PNPLA8: variants seen among roughly 807,000 people sequenced by gnomAD.
The protein encoded by PNPLA8 is calcium-independent phospholipase A2-gamma.
In PNPLA8, 39 loss-of-function variants were observed where a neutral mutation model predicts 76.9. The ratio of observed to expected loss-of-function variants is 0.51; its 90% CI spans 0.39 to 0.66. The LOEUF (loss-of-function observed/expected upper bound fraction) is 0.66, where lower values mean the gene tolerates loss of function less well. Ranked by LOEUF, PNPLA8 falls within the 30% of genes least tolerant of loss-of-function variation. The pLI is 0.00. For synonymous variants in PNPLA8, 301 were observed against 307.9 expected, an observed-to-expected ratio of 0.98 and a Z score of 0.24; for missense variants, 887 against 918.0, an observed-to-expected ratio of 0.97 and a Z score of 0.44.
chr7:108,476,182 T>C (rs1563928876), intron 10 of PNPLA8, among the ~76,000 whole-genome samples: 1 of 152,258 alleles, frequency 6.6e-6, no homozygotes, highest in East Asian at 1.9e-4. Context: ...ACAGCAATTC[T>C]TGTTATATCT....
chr7:108,515,318 T>C lies in PNPLA8; in HGVS notation c.174A>G (p.Lys58=), dbSNP rs1863254660. Residue 58 remains lysine, a synonymous_variant, in exon 3 of 11, where the codon AAA becomes AAG. Coordinates refer to ENST00000257694, the MANE Select transcript of PNPLA8 (RefSeq NM_001256007.3). ...RGFHTNIIRC[K]WTKSEAHSCS... is the part of the protein sequence containing the mutation. ...AAGAATGTGCTTCACTTTTGGTCCA[T>C]TTACATCTTATTATGTTTGTATGAA... The C allele has an allele frequency of 6.2e-7, 1 of 1,613,376 alleles. No homozygotes were observed. The highest frequency in any genetic ancestry group is 1.1e-5 in the South Asian group (1 of 90,998).
At chr7:108,483,148 A>G (rs1042359103) in intron 9 of PNPLA8, among the ~76,000 whole-genome samples, 13 of 152,258 alleles carry the variant, frequency 8.5e-5, no homozygotes, top group Non-Finnish European at 1.3e-4. Context: ...CAATAAGATC[A>G]CATTAGGAGG....
chr7:108,492,683 T>C (rs780445629), intron 7 of PNPLA8, among the ~76,000 whole-genome samples: 6 of 151,834 alleles, frequency 4.0e-5, no homozygotes, highest in Non-Finnish European at 8.8e-5. Flanking sequence ...TAACACAAAA[T>C]TATCACAGCA....
intron 4 of PNPLA8, among the ~76,000 whole-genome samples, chr7:108,506,680 T>C (rs938407650): frequency 5.3e-5 from 8 of 150,992 alleles, no homozygotes; most frequent in Admixed American, 4.6e-4. Flanking sequence ...CCCAACAATA[T>C]AGAAGGTTCT....
intron 9 of PNPLA8, among the ~76,000 whole-genome samples, chr7:108,486,353 A>G (rs1563941024): frequency 6.6e-6 from 1 of 152,142 alleles, no homozygotes; most frequent in Non-Finnish European, 1.5e-5. Flanking sequence ...GACATGGTAC[A>G]TAAGAATAGG....
Position 108,514,874 on chromosome 7 carries a change from A to G in PNPLA8, c.618T>C (p.Phe206=), listed in dbSNP as rs1440268517. 1.2e-6 allele frequency: 2 copies of G among 1,609,414 alleles called. No individual in the cohort carries two copies. Among genetic ancestry groups the G allele is most frequent in the Non-Finnish European group, 1.7e-6 (2 of 1,176,992 alleles). The change falls in exon 3 of 11, where the codon TTT becomes TTC. Residue 206 remains phenylalanine (F), a synonymous_variant. Transcript: ENST00000257694. ...ITTKFGDSFY[F]LSNHINSYFK... is the part of the protein sequence containing the mutation. ...AATATGAATTAATATGATTTGATAA[A>G]AAGTAGAATGAGTCTCCAAATTTTG... is the stretch of plus-strand genomic sequence containing the variant.
intron 7 of PNPLA8, among the ~76,000 whole-genome samples, chr7:108,493,970 C>T (rs1046557586): frequency 6.6e-6 from 1 of 151,714 alleles, no homozygotes; most frequent in African/African-American, 2.4e-5. Flanking sequence ...AAAACTTGAA[C>T]ACAGATTCTA....
intron 1 of PNPLA8, among the ~76,000 whole-genome samples, chr7:108,522,442 C>T: frequency 6.6e-6 from 1 of 152,138 alleles, no homozygotes; most frequent in South Asian, 2.1e-4. Flanking sequence ...GATAGTAACT[C>T]TTTCAACCAA....
chr7:108,482,958 G>A (rs547613513), intron 9 of PNPLA8, among the ~76,000 whole-genome samples: 2 of 152,148 alleles, frequency 1.3e-5, no homozygotes, highest in Admixed American at 6.5e-5. Context: ...GCATACTACT[G>A]TTACTAAAAT....
chr7:108,479,852 G>A (rs917967830), intron 9 of PNPLA8, among the ~76,000 whole-genome samples: 1 of 152,034 alleles, frequency 6.6e-6, no homozygotes, highest in African/African-American at 2.4e-5. Context: ...CAGATATAAC[G>A]TAAATAACAG....
At chr7:108,515,762 T>A (rs187060314) in intron 2 of PNPLA8, among the ~76,000 whole-genome samples, 188 bp from the exon 3 acceptor site, 1 of 152,162 alleles carries the variant, frequency 6.6e-6, no homozygotes, top group East Asian at 1.9e-4. Context: ...AGTATAGAGG[T>A]AAATAAAAAA....
At chr7:108,504,336 AAAAC>A (rs1486182592) in intron 4 of PNPLA8, among the ~76,000 whole-genome samples, 1 of 152,232 alleles carries the variant, frequency 6.6e-6, no homozygotes, top group Non-Finnish European at 1.5e-5. Flanking sequence ...AATTACCACA[AAAAC>A]ATGTTGAAAT....
At chr7:108,493,244 GA>G (rs1563950745) in intron 7 of PNPLA8, among the ~76,000 whole-genome samples, 2 of 152,136 alleles carry the variant, frequency 1.3e-5, no homozygotes, top group East Asian at 3.8e-4. Flanking sequence ...GAAGTTGCCA[GA>G]AGAGCAAAAA....
At chr7:108,482,999 C>T (rs1450820279) in intron 9 of PNPLA8, among the ~76,000 whole-genome samples, 1 of 152,168 alleles carries the variant, frequency 6.6e-6, no homozygotes, top group African/African-American at 2.4e-5. Context: ...CACTCTTCAT[C>T]TTTTCACAAA....
intron 5 of PNPLA8, among the ~76,000 whole-genome samples, chr7:108,498,083 A>G (rs1369865230): frequency 6.6e-6 from 1 of 151,264 alleles, no homozygotes; most frequent in Non-Finnish European, 1.5e-5. Flanking sequence ...AAACAACTAA[A>G]TAAGAATACA....
rs1178373498 is a variant in PNPLA8, at chr7:108,472,653, G to T, written c.2097C>A (p.Gly699=). The T allele has an allele frequency of 3.7e-5, 59 of 1,589,234 alleles. No homozygotes were observed. The highest frequency in any genetic ancestry group is 4.7e-5 in the Non-Finnish European group (55 of 1,172,972). ...DTEEVHIMLD[G]LLPPDTYFRF... ...TAAAATAGGTGTCAGGAGGTAACAG[G>T]CCATCAAGCATTATATGGACTTCTG... is the stretch of plus-strand genomic sequence containing the variant. The change falls in exon 11 of 11, where the codon GGC becomes GGA. Residue 699 remains glycine (G), a synonymous_variant. Coordinates refer to ENST00000257694, the MANE Select transcript of PNPLA8 (RefSeq NM_001256007.3).
chr7:108,485,955 A>C (rs1038573076), intron 9 of PNPLA8, among the ~76,000 whole-genome samples: 11 of 152,194 alleles, frequency 7.2e-5, no homozygotes, highest in African/African-American at 2.6e-4. Context: ...AATAACATTT[A>C]TTTATTCAAA....
chr7:108,514,795 T>G lies in PNPLA8; in HGVS notation c.697A>C (p.Lys233Gln). The change falls in exon 3 of 11, where the codon AAA becomes CAA. Residue 233 changes from lysine (K) to glutamine (Q), a missense_variant. By Grantham distance (53) the Lys-to-Gln change is moderately conservative (BLOSUM62 1). Transcript: ENST00000257694. Reference sequence around the variant, plus strand: ...ACCTTTTTATCTTCAAGTTCTGATTTGTCCCGGAAATGTTCATTTTCCTTT... The same window carrying G: ...ACCTTTTTATCTTCAAGTTCTGATTGGTCCCGGAAATGTTCATTTTCCTTT... ...QQKENEHFRD[K>Q]SELEDKKVEE... 1 of 1,613,442 alleles carries G rather than the reference T, an allele frequency of 6.2e-7. No individual in the cohort carries two copies.
intron 4 of PNPLA8, among the ~76,000 whole-genome samples, chr7:108,503,083 C>A (rs568325117): frequency 6.6e-6 from 1 of 152,256 alleles, no homozygotes; most frequent in African/African-American, 2.4e-5. Context: ...ATATGGGATT[C>A]AAGGTTGCCT....
Sources: allele counts gnomAD v4.1 joint callset (sites outside exome capture counted in the v4.1 genomes callset), GRCh38; gene constraint gnomAD v4.1.1; transcripts MANE v1.5; gene names NCBI Gene and HGNC (gene_info 2026-07-23, HGNC 2026-07-21).